The following GREB1 variants were observed in gnomAD, a reference collection of about 807,000 sequenced individuals.
GREB1 encodes the protein protein GREB1.
A neutral mutation model predicts 200.7 loss-of-function variants in GREB1; 106 were observed. That is an observed-to-expected ratio of 0.53 (90% CI 0.45 to 0.62). The LOEUF (loss-of-function observed/expected upper bound fraction) is 0.62. Ranked by LOEUF, GREB1 falls within the 20% of genes least tolerant of loss-of-function variation. The pLI, the probability that GREB1 is intolerant of heterozygous loss-of-function variation, is 0.00. For synonymous variants in GREB1, 1,132 were observed against 1,092.4 expected, an observed-to-expected ratio of 1.04 and a Z score of -0.72; for missense variants, 2,243 against 2,556.8, an observed-to-expected ratio of 0.88 and a Z score of 2.65.
chr2:11,612,443 C>A, intron 18 of GREB1, 52 bp from the exon 19 acceptor site: 2 of 1,520,780 alleles, frequency 1.3e-6, no homozygotes, highest in Non-Finnish European at 1.8e-6. Context: ...CTGAGCTGGG[C>A]TGGTTGGGAA....
intron 1 of GREB1, among the ~76,000 whole-genome samples, chr2:11,509,784 A>G (rs559033625): frequency 6.4e-4 from 97 of 152,266 alleles, no homozygotes; most frequent in African/African-American, 2.3e-3. Context: ...TGAAGCAGAG[A>G]CGGAGCCCTC....
chr2:11,625,906 C>T lies in GREB1; in HGVS notation c.4306+594C>T, dbSNP rs539885226. On this transcript the variant is annotated intron_variant, in intron 24 of 32. Coordinates refer to ENST00000381486, the MANE Select transcript of GREB1 (RefSeq NM_014668.4). Reference sequence around the variant, plus strand: ...CACGTGGCTGGGGAGGCTTCACAATCGTGGTGGAAGGTGAAAGGCACGTCT... The same window carrying T: ...CACGTGGCTGGGGAGGCTTCACAATTGTGGTGGAAGGTGAAAGGCACGTCT... Among the ~76,000 whole-genome samples the T allele has an allele frequency of 3.3e-5, 5 of 152,220 alleles. No homozygotes were observed. The East Asian group carries it at 5.8e-4, about 18-fold the overall frequency.
At chr2:11,549,758 TCTGAAGATATTAA>T (rs1275547773) in intron 1 of GREB1, among the ~76,000 whole-genome samples, 1 of 152,264 alleles carries the variant, frequency 6.6e-6, no homozygotes, top group Non-Finnish European at 1.5e-5. Flanking sequence ...ACATCATCCC[TCTGAAGATATTAA>T]CTGTGGCAGA....
At chr2:11,627,138 C>G (rs757392022) in intron 25 of GREB1, 34 bp downstream of exon 25, 2 of 1,540,352 alleles carry the variant, frequency 1.3e-6, no homozygotes, top group Non-Finnish European at 1.8e-6. Context: ...AGGCATTTCA[C>G]CTTGGCTCAC....
intron 1 of GREB1, among the ~76,000 whole-genome samples, chr2:11,511,727 C>A (rs1673357930): frequency 6.6e-6 from 1 of 152,162 alleles, no homozygotes; most frequent in Non-Finnish European, 1.5e-5. Flanking sequence ...CTCTGTACTG[C>A]ACAGTGGGCT....
chr2:11,603,191 G>A (rs547819704), intron 17 of GREB1, among the ~76,000 whole-genome samples: 122 of 152,352 alleles, frequency 8.0e-4, no homozygotes, highest in African/African-American at 2.8e-3. Context: ...GACAGGCTAA[G>A]TGATTGCCAG....
At chr2:11,630,463 C>T (rs72772100) in intron 26 of GREB1, among the ~76,000 whole-genome samples, 9,218 of 152,240 alleles carry the variant, frequency 0.061, 306 homozygotes, top group African/African-American at 0.093. Flanking sequence ...GCTGGGTAGA[C>T]GTTCATCCCC....
intron 1 of GREB1, among the ~76,000 whole-genome samples, chr2:11,515,010 C>T (rs1291214524): frequency 2.6e-5 from 4 of 151,660 alleles, no homozygotes; most frequent in African/African-American, 7.3e-5. Context: ...ATCCTCTCAT[C>T]TCTTCCCCCA....
chr2:11,521,040 T>A (rs900129452), intron 1 of GREB1, among the ~76,000 whole-genome samples: 9 of 152,220 alleles, frequency 5.9e-5, no homozygotes, highest in African/African-American at 2.2e-4. Flanking sequence ...TATCAGGACC[T>A]GAGCCAGGCA....
In GREB1 at chr2:11,600,985, C is replaced by T. The variant is rs766061023; in HGVS notation, c.2519C>T (p.Ser840Phe). The T allele has an allele frequency of 1.2e-6, 2 of 1,610,294 alleles. No individual in the cohort carries two copies. The highest frequency in any genetic ancestry group is 1.7e-5 in the Admixed American group (1 of 59,932). Residue 840 changes from serine to phenylalanine, a missense_variant, in exon 16 of 33, where the codon TCC (serine) becomes TTC (phenylalanine). Physicochemically the swap from Ser to Phe is radical, Grantham distance 155. This residue lies in a region of GREB1 where 1,178 missense variants were observed against 1,387.4 expected (regional missense o/e 0.85). Coordinates refer to ENST00000381486, the MANE Select transcript of GREB1 (RefSeq NM_014668.4). Reference sequence around the variant, plus strand: ...TACAACGAGATCCACTGGCCTGCCTCCTGCAGTAATGTGAGTGCCACGGGG... The same window carrying T: ...TACAACGAGATCCACTGGCCTGCCTTCTGCAGTAATGTGAGTGCCACGGGG... ...SPYNEIHWPA[S>F]CSNGVDLYHE...
intron 23 of GREB1, among the ~76,000 whole-genome samples, chr2:11,623,715 A>T (rs1684196133): frequency 6.6e-6 from 1 of 152,090 alleles, no homozygotes; most frequent in Non-Finnish European, 1.5e-5. Flanking sequence ...ACATGGTGAA[A>T]CCTCGTCTCT....
intron 1 of GREB1, among the ~76,000 whole-genome samples, chr2:11,491,296 A>G (rs938841141): frequency 1.3e-5 from 2 of 152,206 alleles, no homozygotes; most frequent in East Asian, 1.9e-4. Context: ...TCTTAAAATG[A>G]TATCTGCATA....
intron 1 of GREB1, among the ~76,000 whole-genome samples, chr2:11,484,703 A>G (rs925580251): frequency 6.6e-6 from 1 of 152,136 alleles, no homozygotes; most frequent in African/African-American, 2.4e-5. Flanking sequence ...GGGTCTCTTG[A>G]GCCCACGAGT....
chr2:11,523,785 T>C (rs992268106), intron 1 of GREB1, among the ~76,000 whole-genome samples: 1 of 151,510 alleles, frequency 6.6e-6, no homozygotes, highest in African/African-American at 2.5e-5. Context: ...AGGCTTTAGC[T>C]TCTTTGCCCC....
chr2:11,508,353 G>A (rs1356859625), intron 1 of GREB1, among the ~76,000 whole-genome samples: 1 of 152,206 alleles, frequency 6.6e-6, no homozygotes, highest in African/African-American at 2.4e-5. Context: ...CCTCTGCATC[G>A]GGACACATGA....
At chr2:11,581,438 A>G (rs1309515026) in intron 7 of GREB1, among the ~76,000 whole-genome samples, 1 of 152,158 alleles carries the variant, frequency 6.6e-6, no homozygotes, top group Admixed American at 6.5e-5. Flanking sequence ...CTGAGCTGCA[A>G]CTTAGAAGCT....
At chr2:11,592,720 C>T (rs897206405) in intron 10 of GREB1, 56 bp from the exon 11 acceptor site, 5 of 1,175,868 alleles carry the variant, frequency 4.3e-6, no homozygotes, top group Non-Finnish European at 4.6e-6. Flanking sequence ...TGCACCCGTG[C>T]GTCCCCGGAT....
chr2:11,573,947 C>G (rs541391208), intron 4 of GREB1, among the ~76,000 whole-genome samples: 1 of 152,238 alleles, frequency 6.6e-6, no homozygotes, highest in African/African-American at 2.4e-5. Context: ...TAGTTTCTTG[C>G]AGTTCTGTTT....
chr2:11,555,270 T>C (rs1161795391), intron 1 of GREB1, among the ~76,000 whole-genome samples: 1 of 152,230 alleles, frequency 6.6e-6, no homozygotes, highest in Non-Finnish European at 1.5e-5. Context: ...TTTAAATGCC[T>C]GTTCTTGGGA....
Sources: gnomAD v4.1 joint callset for allele counts (sites outside exome capture counted in the v4.1 genomes callset) on GRCh38, gnomAD v4.1.1 for gene constraint, gnomAD v4.1.1 regional missense constraint, MANE v1.5 for transcripts, NCBI Gene and HGNC (gene_info 2026-07-23, HGNC 2026-07-21) for gene names.